The following CROCC2 variants were observed in gnomAD, a reference collection of about 807,000 sequenced individuals.
CROCC2 encodes the protein ciliary rootlet coiled-coil, rootletin family member 2.
In CROCC2, 163 loss-of-function variants were observed where a neutral mutation model predicts 177.6. The observed-to-expected ratio is 0.92, with a 90% CI of 0.81 to 1.05. The LOEUF is 1.05. CROCC2 is among the 50% of genes least tolerant of loss of function. The pLI, the probability that CROCC2 is intolerant of heterozygous loss-of-function variation, is 0.00. For synonymous variants in CROCC2, 904 were observed against 787.3 expected, an observed-to-expected ratio of 1.15 and a Z score of -2.48; for missense variants, 1,929 against 1,797.8, an observed-to-expected ratio of 1.07 and a Z score of -1.32.
At chr2:240,915,044 C>T (rs755104504) in intron 1 of CROCC2, among the ~76,000 whole-genome samples, 2 of 152,206 alleles carry the variant, frequency 1.3e-5, no homozygotes, top group African/African-American at 4.8e-5. Flanking sequence ...TCCCTGCAGG[C>T]GGAAGCCTTT....
intron 27 of CROCC2, among the ~76,000 whole-genome samples, chr2:240,981,335 G>T (rs1234082648): frequency 6.6e-6 from 1 of 152,210 alleles, no homozygotes; most frequent in African/African-American, 2.4e-5. Context: ...CTCAGCTCTG[G>T]GGGAGAAGGG....
rs1438538242 is a variant in CROCC2, at chr2:240,968,257, C to G, written c.4396C>G (p.Leu1466Val). The G allele has an allele frequency of 2.0e-6, 3 of 1,529,184 alleles. No homozygotes were observed. In the South Asian group the frequency reaches 3.6e-5, roughly 18 times the overall value. The allele number at this position is 1,529,184 out of a possible 1,614,324, so 94.7% of individuals were successfully genotyped here. A position where few individuals can be genotyped will look rare whatever the true frequency, so the allele number is the denominator to read the frequency against. ...VRAAGQEKRR[L>V]QEQLETLRQA... Reference sequence around the variant, plus strand: ...TGCGGCAGGCCAGGAGAAGCGGCGGCTGCAGGTGGGGCAGGCGGCAGGGTG... The same window carrying G: ...TGCGGCAGGCCAGGAGAAGCGGCGGGTGCAGGTGGGGCAGGCGGCAGGGTG... Residue 1466 changes from leucine to valine, a missense_variant, in exon 27 of 32, where the codon CTG becomes GTG. By Grantham distance (32) the Leu-to-Val change is conservative. This residue lies in a region of CROCC2 where 388 missense variants were observed against 352.7 expected (regional missense o/e 1.10). Coordinates refer to ENST00000690015, the MANE Select transcript of CROCC2 (RefSeq NM_001351305.2).
chr2:240,921,387 C>T (rs2059356246), intron 3 of CROCC2, among the ~76,000 whole-genome samples: 1 of 152,196 alleles, frequency 6.6e-6, no homozygotes, highest in East Asian at 1.9e-4. Context: ...CCAGCACATC[C>T]GTGAGCTGCC....
intron 14 of CROCC2, among the ~76,000 whole-genome samples, chr2:240,945,092 G>A (rs1028838250): frequency 1.1e-4 from 17 of 152,002 alleles, no homozygotes; most frequent in African/African-American, 3.6e-4. Context: ...GTGTGCCATC[G>A]TGCCTGGCTA....
At position 240,918,702 on chromosome 2, in the gene CROCC2, G is replaced by C; in HGVS notation, c.79-24G>C. On this transcript the variant is annotated intron_variant, in intron 1 of 31. Coordinates refer to ENST00000690015, the MANE Select transcript of CROCC2 (RefSeq NM_001351305.2). The surrounding 1 kb of genome is among the most constrained non-coding windows in gnomAD (Gnocchi z 6.3). ...CAGCTGTTGGGGGCTGCCATCTCCAGGTATCTCTGGGGGTGTCTTTCAGAG... is the reference window on the plus strand; with the variant it reads ...CAGCTGTTGGGGGCTGCCATCTCCACGTATCTCTGGGGGTGTCTTTCAGAG... The C allele has an allele frequency of 1.8e-6, 1 of 544,132 alleles. No homozygotes were observed. The highest frequency in any genetic ancestry group is 3.3e-6 in the Non-Finnish European group (1 of 301,600). The allele number at this position is 544,132 out of a possible 1,614,324, so 33.7% of individuals were successfully genotyped here.
Position 240,966,261 on chromosome 2 carries a change from G to A in CROCC2, c.3998G>A (p.Gly1333Asp). 1 of 613,578 alleles carries A rather than the reference G, an allele frequency of 1.6e-6. No individual in the cohort carries two copies. The highest frequency in any genetic ancestry group is 2.4e-6 in the Non-Finnish European group (1 of 420,406). The allele number at this position is 613,578 out of a possible 1,614,324, so 38.0% of individuals were successfully genotyped here. The change falls in exon 25 of 32, where the codon GGT becomes GAT. Residue 1333 changes from glycine to aspartate, a missense_variant. Around this residue, in one of 3 missense-constraint regions of CROCC2, gnomAD observed 388 missense variants for 352.7 expected, o/e 1.10. Transcript: ENST00000690015. ...TCCCAGGCTCTCCCTGGGCAACAGGGTACCAGCCCCCCAGCCAGGCCCCAC... is the reference window on the plus strand; with the variant it reads ...TCCCAGGCTCTCCCTGGGCAACAGGATACCAGCCCCCCAGCCAGGCCCCAC... ...DSSQALPGQQ[G>D]TSPPARPHSP...
In CROCC2 at chr2:240,910,104, G is replaced by A. The variant is rs978446173; in HGVS notation, c.78+3513G>A. On this transcript the variant is annotated intron_variant, in intron 1 of 31. Transcript: ENST00000690015. ...CAGCACCCCAGAATGCCCCCACCCTGGAGCTGGAATTGGATGTAAAGGGGC... is the reference window on the plus strand; with the variant it reads ...CAGCACCCCAGAATGCCCCCACCCTAGAGCTGGAATTGGATGTAAAGGGGC... Among the ~76,000 whole-genome samples the A allele has an allele frequency of 3.3e-5, 5 of 152,228 alleles. No individual in the cohort carries two copies. In the East Asian group the frequency reaches 7.7e-4, roughly 24 times the overall value.
intron 27 of CROCC2, 103 bp downstream of exon 27, chr2:240,968,365 G>T: frequency 2.2e-6 from 3 of 1,368,146 alleles, no homozygotes; most frequent in Non-Finnish European, 2.9e-6. Context: ...AGGTGGGAGA[G>T]AGGGGTCTGC....
intron 31 of CROCC2, among the ~76,000 whole-genome samples, chr2:240,992,258 C>T (rs927515495): frequency 7.9e-5 from 12 of 152,216 alleles, no homozygotes; most frequent in Non-Finnish European, 1.2e-4. Context: ...GGGCACCAGC[C>T]AGCCCAGTGA....
chr2:240,982,836 A>AC lies in CROCC2; in HGVS notation c.4402-39dup. 6.6e-7 allele frequency: 1 copy of AC among 1,517,800 alleles called. No individual in the cohort carries two copies. The highest frequency in any genetic ancestry group is 1.2e-5 in the South Asian group (1 of 80,394). The allele number at this position is 1,517,800 out of a possible 1,614,324, so 94.0% of individuals were successfully genotyped here. ...CCAGGGTTTCCCTGCAGGGCCTCCC[A>AC]CCCCCAGTGTCTCCAGGTGGACCCT... On this transcript the variant is annotated intron_variant, in intron 27 of 31. Coordinates refer to ENST00000690015, the MANE Select transcript of CROCC2 (RefSeq NM_001351305.2). This position sits in a 1 kb window ranked among gnomAD's most constrained non-coding sequence, Gnocchi z 4.7.
chr2:240,944,066 C>G (rs1004627870), intron 14 of CROCC2, among the ~76,000 whole-genome samples: 1 of 152,118 alleles, frequency 6.6e-6, no homozygotes, highest in Non-Finnish European at 1.5e-5. Flanking sequence ...CTGGTTTTTA[C>G]TTTTGAAGAA....
intron 28 of CROCC2, among the ~76,000 whole-genome samples, chr2:240,987,062 A>G (rs1054605736): frequency 1.3e-5 from 2 of 152,192 alleles, no homozygotes; most frequent in Non-Finnish European, 2.9e-5. Flanking sequence ...GGGCCAGCCA[A>G]TGGGGTCCAG....
Position 240,949,577 on chromosome 2 carries a change from A to T in CROCC2, c.2527A>T (p.Lys843Ter). 6.4e-7 allele frequency: 1 copy of T among 1,550,540 alleles called. No homozygotes were observed. The highest frequency in any genetic ancestry group is 8.7e-7 in the Non-Finnish European group (1 of 1,146,952). Residue 843 changes from lysine to a stop codon, truncating the protein, a stop_gained, in exon 17 of 32, where the codon AAG becomes TAG. Coordinates refer to ENST00000690015, the MANE Select transcript of CROCC2 (RefSeq NM_001351305.2). LOFTEE classifies it high-confidence loss of function. This position sits in a 1 kb window ranked among gnomAD's most constrained non-coding sequence, Gnocchi z 4.5. ...LQSDWEVQEMKLRQDTVRLQR... is the reference protein window; with the variant it reads ...LQSDWEVQEM ...AAGTGACTGGGAGGTCCAGGAAATG[A>T]AGCTGCGGCAGGACACGGTGCGGCT... is the stretch of plus-strand genomic sequence containing the variant.
intron 2 of CROCC2, among the ~76,000 whole-genome samples, chr2:240,919,276 A>C (rs944971433): frequency 4.6e-5 from 7 of 152,088 alleles, no homozygotes; most frequent in African/African-American, 1.4e-4. Context: ...GCAGGGCCTG[A>C]GCAGGGCTGC....
At chr2:240,968,405 G>A in intron 27 of CROCC2, 143 bp downstream of exon 27, 1 of 1,165,582 alleles carries the variant, frequency 8.6e-7, no homozygotes, top group Non-Finnish European at 1.2e-6. Context: ...CGGGGCTGGA[G>A]CCAGCCCGGT....
At chr2:240,912,028 G>A (rs186153705) in intron 1 of CROCC2, among the ~76,000 whole-genome samples, 231 of 152,284 alleles carry the variant, frequency 1.5e-3, no homozygotes, top group South Asian at 2.9e-3. Context: ...GCTGGGTCGC[G>A]CGGAGAGTCT....
intron 22 of CROCC2, among the ~76,000 whole-genome samples, 153 bp downstream of exon 22, chr2:240,964,778 G>T (rs1474728507): frequency 6.6e-6 from 1 of 152,220 alleles, no homozygotes; most frequent in African/African-American, 2.4e-5. Flanking sequence ...CAGGCTCACA[G>T]GGTCCCTGGT....
rs1322562525 is a variant in CROCC2 at position 240,972,413 on chromosome 2, C to T, written c.4401+4151C>T. On this transcript the variant is annotated intron_variant, in intron 27 of 31. Transcript: ENST00000690015. This position sits in a 1 kb window ranked among gnomAD's most constrained non-coding sequence, Gnocchi z 7.1. ...GTGCGGTCCTCCACCTCCCCAGCTG[C>T]TTGCCTCACAGGGATGGAGGGCTCC... Among the ~76,000 whole-genome samples the T allele has an allele frequency of 2.6e-5, 4 of 152,114 alleles. No homozygotes were observed. The highest frequency in any genetic ancestry group is 4.4e-5 in the Non-Finnish European group (3 of 68,032).
chr2:240,910,989 G>A (rs1165722002), intron 1 of CROCC2, among the ~76,000 whole-genome samples: 1 of 151,994 alleles, frequency 6.6e-6, no homozygotes, highest in Non-Finnish European at 1.5e-5. Flanking sequence ...AAATTAGCCA[G>A]GCATGATGGC....
Sources: gnomAD v4.1 joint callset for allele counts (sites outside exome capture counted in the v4.1 genomes callset) on GRCh38, gnomAD v4.1.1 for gene constraint, gnomAD v4.1.1 regional missense constraint, Gnocchi (gnomAD v3.1) non-coding constraint, MANE v1.5 for transcripts, NCBI Gene and HGNC (gene_info 2026-07-23, HGNC 2026-07-21) for gene names.